The following RAD51B variants were observed in gnomAD, a reference collection of about 807,000 sequenced individuals.
RAD51B encodes RAD51 paralog B.
RAD51B carries 38 observed loss-of-function variants against 42.2 expected under a neutral mutation model. That is an observed-to-expected ratio of 0.90 (90% CI 0.70 to 1.18). RAD51B has a LOEUF of 1.18. Among genes scored for constraint, RAD51B ranks in the 50% most tolerant of loss-of-function variants. The probability of loss-of-function intolerance (pLI) is 0.00; values close to 1 mark genes in which losing one functional copy is unlikely to be tolerated. For synonymous variants in RAD51B, 154 were observed against 145.2 expected, an observed-to-expected ratio of 1.06 and a Z score of -0.43; for missense variants, 373 against 400.7, an observed-to-expected ratio of 0.93 and a Z score of 0.59.
chr14:68,412,028 C>T (rs547399734), intron 9 of RAD51B, among the ~76,000 whole-genome samples: 1 of 152,296 alleles, frequency 6.6e-6, no homozygotes, highest in African/African-American at 2.4e-5. Flanking sequence ...CTAGAAAGAC[C>T]TCCAAATGGT....
intron 7 of RAD51B, among the ~76,000 whole-genome samples, chr14:67,946,093 G>T (rs1409294682): frequency 6.6e-6 from 1 of 152,102 alleles, no homozygotes; most frequent in Non-Finnish European, 1.5e-5. Flanking sequence ...GTGAATTTGG[G>T]ATTTGAAAAT....
At chr14:67,912,238 T>C (rs568229498) in intron 7 of RAD51B, among the ~76,000 whole-genome samples, 1 of 152,358 alleles carries the variant, frequency 6.6e-6, no homozygotes, top group South Asian at 2.1e-4. Context: ...GTGTGCTTTA[T>C]AGTGAGAATT....
intron 7 of RAD51B, among the ~76,000 whole-genome samples, chr14:67,930,268 T>C (rs2044678650): frequency 6.6e-6 from 1 of 152,184 alleles, no homozygotes; most frequent in Non-Finnish European, 1.5e-5. Flanking sequence ...CTTGAATTTT[T>C]TGGCTTTTTC....
intron 7 of RAD51B, among the ~76,000 whole-genome samples, chr14:68,103,485 A>G (rs1163115126): frequency 1.3e-5 from 2 of 152,236 alleles, no homozygotes; most frequent in African/African-American, 2.4e-5. Context: ...GAACAAAACC[A>G]AAAGTAATAG....
At chr14:68,541,653 C>T in intron 10 of RAD51B, 1 of 985,444 alleles carries the variant, frequency 1.0e-6, no homozygotes, top group South Asian at 4.7e-5. Flanking sequence ...ATTGTCAGTG[C>T]AATCCTTTGG....
intron 10 of RAD51B, among the ~76,000 whole-genome samples, chr14:68,489,562 T>TA (rs768883433): frequency 1.4e-4 from 22 of 152,226 alleles, no homozygotes; most frequent in Non-Finnish European, 3.1e-4. Context: ...TTGCCTTTTT[T>TA]ACCCCCTAAA....
At chr14:68,449,582 C>G (rs771702072) in intron 9 of RAD51B, among the ~76,000 whole-genome samples, 32 of 152,272 alleles carry the variant, frequency 2.1e-4, no homozygotes, top group Admixed American at 7.8e-4. Context: ...GCCCATCCCC[C>G]CAGCTGTCCC....
chr14:67,952,274 AGCTATTT>A (rs2140209723), intron 7 of RAD51B, among the ~76,000 whole-genome samples: 1 of 152,250 alleles, frequency 6.6e-6, no homozygotes, highest in South Asian at 2.1e-4. Flanking sequence ...AACTATAATA[AGCTATTT>A]TGAAGTGTCA....
At chr14:68,443,342 G>C (rs1313303615) in intron 9 of RAD51B, among the ~76,000 whole-genome samples, 1 of 152,194 alleles carries the variant, frequency 6.6e-6, no homozygotes, top group African/African-American at 2.4e-5. Context: ...GATGTTGAAT[G>C]TGTTCACGAG....
intron 7 of RAD51B, among the ~76,000 whole-genome samples, chr14:68,173,525 G>A (rs1039639041): frequency 2.0e-5 from 3 of 152,202 alleles, no homozygotes; most frequent in Non-Finnish European, 4.4e-5. Context: ...AAGAACGAGT[G>A]ACTATTCATT....
chr14:68,399,602 G>A (rs74534294), intron 8 of RAD51B, among the ~76,000 whole-genome samples: 10,439 of 152,082 alleles, frequency 0.069, 449 homozygotes, highest in Non-Finnish European at 0.091. Context: ...TTTATCTCTT[G>A]TATATTAGTT....
intron 9 of RAD51B, chr14:68,421,752 C>T (rs1034259584): frequency 7.6e-5 from 122 of 1,597,654 alleles, no homozygotes; most frequent in Non-Finnish European, 1.0e-4. Flanking sequence ...TCTTGCCATT[C>T]CTGGACCCAA....
At chr14:68,347,300 G>A (rs1339745029) in intron 8 of RAD51B, among the ~76,000 whole-genome samples, 1 of 152,204 alleles carries the variant, frequency 6.6e-6, no homozygotes, top group Non-Finnish European at 1.5e-5. Context: ...TTTGTTAGCT[G>A]CATTCCTTTA....
chr14:68,327,768 T>A (rs187677841), intron 8 of RAD51B, among the ~76,000 whole-genome samples: 1 of 152,172 alleles, frequency 6.6e-6, no homozygotes, highest in Non-Finnish European at 1.5e-5. Context: ...AGTCAACTTA[T>A]AAGTACAAAG....
At chr14:68,077,230 G>T (rs2140481397) in intron 7 of RAD51B, among the ~76,000 whole-genome samples, 1 of 152,266 alleles carries the variant, frequency 6.6e-6, no homozygotes, top group South Asian at 2.1e-4. Context: ...AATGGTAGAA[G>T]ACTATGATTT....
intron 10 of RAD51B, among the ~76,000 whole-genome samples, chr14:68,622,459 G>T (rs1891970417): frequency 1.3e-5 from 2 of 152,078 alleles, no homozygotes. Flanking sequence ...TACCAAAAGG[G>T]AGTTCTTAGG....
chr14:68,242,506 TCTC>T (rs1157645875), intron 7 of RAD51B, among the ~76,000 whole-genome samples: 2 of 152,204 alleles, frequency 1.3e-5, no homozygotes, highest in Non-Finnish European at 2.9e-5. Context: ...CACCTTTTCA[TCTC>T]CTCATTTTGA....
intron 10 of RAD51B, among the ~76,000 whole-genome samples, chr14:68,585,336 G>A (rs1229763539): frequency 1.3e-5 from 2 of 152,196 alleles, no homozygotes; most frequent in Non-Finnish European, 2.9e-5. Context: ...AGGGAGGCCG[G>A]CTCCTTTTGC....
At chr14:68,651,530 T>C (rs1349793831) in intron 11 of RAD51B, among the ~76,000 whole-genome samples, 1 of 152,012 alleles carries the variant, frequency 6.6e-6, no homozygotes, top group Non-Finnish European at 1.5e-5. Flanking sequence ...GAAGGATGGG[T>C]TTTGTTCTGG....
Sources: allele counts gnomAD v4.1 joint callset (sites outside exome capture counted in the v4.1 genomes callset), GRCh38; gene constraint gnomAD v4.1.1; transcripts MANE v1.5; gene names NCBI Gene and HGNC (gene_info 2026-07-23, HGNC 2026-07-21).